The following ZYG11A variants were observed in gnomAD, a reference collection of about 807,000 sequenced individuals.
ZYG11A encodes the protein zyg-11 family member A, cell cycle regulator, also known as protein zyg-11 homolog A.
Under a neutral mutation model 77.2 loss-of-function variants are expected in ZYG11A, and 62 were observed. That is an observed-to-expected ratio of 0.80 (90% CI 0.65 to 0.99). ZYG11A has a LOEUF of 0.99. Among genes scored for constraint, ZYG11A ranks in the 50% least tolerant of loss-of-function variants. The pLI is 0.00. For missense variants in ZYG11A, 828 were observed against 896.8 expected, an observed-to-expected ratio of 0.92 and a Z score of 0.98; for synonymous variants, 315 against 324.6, an observed-to-expected ratio of 0.97 and a Z score of 0.32.
intron 11 of ZYG11A, among the ~76,000 whole-genome samples, chr1:52,885,458 C>A (rs1646433565): frequency 6.6e-6 from 1 of 151,942 alleles, no homozygotes; most frequent in African/African-American, 2.4e-5. Flanking sequence ...CCCGCCTTGG[C>A]CTCCCAAAGT....
intron 5 of ZYG11A, among the ~76,000 whole-genome samples, chr1:52,864,811 ATTT>A (rs555254016): frequency 7.2e-6 from 1 of 137,946 alleles, no homozygotes; most frequent in Admixed American, 7.3e-5. Context: ...TGCCTGGCTA[ATTT>A]TTTTTTTTTT....
chr1:52,847,004 C>T (rs956461683), intron 1 of ZYG11A, among the ~76,000 whole-genome samples: 6 of 151,838 alleles, frequency 4.0e-5, no homozygotes, highest in Non-Finnish European at 7.4e-5. Flanking sequence ...CACGCCGCCA[C>T]GCCTGGCTAA....
At chr1:52,858,668 A>G (rs954331934) in intron 3 of ZYG11A, among the ~76,000 whole-genome samples, 3 of 150,368 alleles carry the variant, frequency 2.0e-5, no homozygotes, top group Non-Finnish European at 3.0e-5. Flanking sequence ...GGTGGAGTGC[A>G]ATGGCGCAAT....
At chr1:52,846,578 T>C (rs936132602) in intron 1 of ZYG11A, among the ~76,000 whole-genome samples, 10 of 151,500 alleles carry the variant, frequency 6.6e-5, no homozygotes, top group Admixed American at 1.3e-4. Context: ...GTTGAACTCA[T>C]GATCCATCCA....
At chr1:52,848,842 G>A (rs1390622951) in intron 1 of ZYG11A, among the ~76,000 whole-genome samples, 1 of 152,038 alleles carries the variant, frequency 6.6e-6, no homozygotes, top group Non-Finnish European at 1.5e-5. Context: ...ACTGCAGCCT[G>A]GGCAACAGAG....
At chr1:52,873,768 G>A (rs950577847) in intron 8 of ZYG11A, among the ~76,000 whole-genome samples, 2 of 152,058 alleles carry the variant, frequency 1.3e-5, no homozygotes, top group African/African-American at 4.8e-5. Flanking sequence ...GGTGGATCAC[G>A]AGGTTAAGAA....
chr1:52,863,931 A>C (rs1295475190), intron 4 of ZYG11A, 50 bp from the exon 5 acceptor site: 2 of 1,489,620 alleles, frequency 1.3e-6, no homozygotes, highest in Non-Finnish European at 1.8e-6. Context: ...ACAAGACAGC[A>C]TAGAGAATGT....
At chr1:52,875,850 C>T (rs578038630) in intron 8 of ZYG11A, among the ~76,000 whole-genome samples, 1 of 142,816 alleles carries the variant, frequency 7.0e-6, no homozygotes, top group Non-Finnish European at 1.5e-5. Flanking sequence ...GTGTATTTCT[C>T]AATGAAAAAG....
intron 1 of ZYG11A, among the ~76,000 whole-genome samples, chr1:52,853,842 G>T (rs1248258296): frequency 6.6e-6 from 1 of 152,130 alleles, no homozygotes; most frequent in East Asian, 1.9e-4. Context: ...GGAAGTCAAA[G>T]TTGCATTCGG....
chr1:52,854,628 A>C lies in ZYG11A; in HGVS notation c.254A>C (p.Gln85Pro). The change falls in exon 2 of 14, where the codon CAA (glutamine) becomes CCA (proline). Residue 85 changes from glutamine to proline, a missense_variant and splice_region_variant. Transcript: ENST00000371528. ...CGATTTCTCAGGGTGATGACTTGGC[A>C]AGGTAGTGATAAGGCTTCTCTAAAG... ...AERFLRVMTW[Q>P]GKLTDRTASI... The C allele has an allele frequency of 6.5e-7, 1 of 1,532,688 alleles. No homozygotes were observed. The highest frequency in any genetic ancestry group is 8.8e-7 in the Non-Finnish European group (1 of 1,133,332). The allele number at this position is 1,532,688 out of a possible 1,614,324, so 94.9% of individuals were successfully genotyped here.
At chr1:52,889,927 A>G (rs989527681) in intron 13 of ZYG11A, among the ~76,000 whole-genome samples, 2 of 151,378 alleles carry the variant, frequency 1.3e-5, no homozygotes, top group Admixed American at 1.3e-4. Context: ...GTTAGCCAGG[A>G]TGGTCTCGAT....
chr1:52,867,180 A>T lies in ZYG11A; in HGVS notation c.1392-359A>T, dbSNP rs144151089. Among the ~76,000 whole-genome samples the T allele has an allele frequency of 2.5e-4, 38 of 152,296 alleles. No homozygotes were observed. In the East Asian group the frequency reaches 7.3e-3, roughly 29 times the overall value. On this transcript the variant is annotated intron_variant, in intron 6 of 13. Transcript: ENST00000371528. ...GGCTCAGTCACTTTGTAACTGAGTG[A>T]TGTTTGCTGCAGCATTTTAGCATTG... is the stretch of plus-strand genomic sequence containing the variant.
intron 8 of ZYG11A, among the ~76,000 whole-genome samples, chr1:52,870,074 G>T (rs552684238): frequency 0.013 from 2,018 of 150,986 alleles, 36 homozygotes; most frequent in African/African-American, 0.047. Context: ...ACGGGGTCGC[G>T]GCCGGGCAGA....
At chr1:52,853,012 T>C (rs1645742604) in intron 1 of ZYG11A, among the ~76,000 whole-genome samples, 1 of 152,216 alleles carries the variant, frequency 6.6e-6, no homozygotes, top group Non-Finnish European at 1.5e-5. Context: ...TAAAAGTTAA[T>C]TGCTGGATTA....
intron 5 of ZYG11A, among the ~76,000 whole-genome samples, chr1:52,864,610 A>T (rs1349579128): frequency 6.6e-6 from 1 of 152,132 alleles, no homozygotes. Flanking sequence ...TGTGTTTGTT[A>T]TAGAAAAAAT....
chr1:52,881,349 C>T lies in ZYG11A; in HGVS notation c.1750-122C>T, dbSNP rs552467080. On this transcript the variant is annotated intron_variant, in intron 10 of 13. Transcript: ENST00000371528. Reference sequence around the variant, plus strand: ...GTTTTAGGCTAGCTTGAGGCGGAGGCGGGTATAAGAATAAGAGTTCTGAAT... The same window carrying T: ...GTTTTAGGCTAGCTTGAGGCGGAGGTGGGTATAAGAATAAGAGTTCTGAAT... 487 of 636,790 alleles carry T rather than the reference C, an allele frequency of 7.6e-4. 1 individual carries two copies. Among genetic ancestry groups the T allele is most frequent in the Middle Eastern group, 2.7e-3 (6 of 2,246 alleles). The allele number at this position is 636,790 out of a possible 1,614,324, so 39.4% of individuals were successfully genotyped here. A position where few individuals can be genotyped will look rare whatever the true frequency, so the allele number is the denominator to read the frequency against.
Position 52,857,457 on chromosome 1 carries a change from A to T in ZYG11A, c.716A>T (p.Lys239Ile). The change falls in exon 3 of 14, where the codon AAA (lysine) becomes ATA (isoleucine). Residue 239 changes from lysine to isoleucine, a missense_variant. By Grantham distance (102) the Lys-to-Ile change is moderately radical. Transcript: ENST00000371528. ...AAGTCTCTCACAATGCACTATCTGAAATGCCTGGCCATGACCAAATCACAA... is the reference window on the plus strand; with the variant it reads ...AAGTCTCTCACAATGCACTATCTGATATGCCTGGCCATGACCAAATCACAA... ...RLKSLTMHYL[K>I]CLAMTKSQIL... The T allele has an allele frequency of 6.4e-7, 1 of 1,552,218 alleles. No individual in the cohort carries two copies. Among genetic ancestry groups the T allele is most frequent in the Non-Finnish European group, 8.7e-7 (1 of 1,147,110 alleles).
chr1:52,865,584 G>A (rs1371783678), intron 5 of ZYG11A, among the ~76,000 whole-genome samples: 4 of 152,014 alleles, frequency 2.6e-5, no homozygotes, highest in Non-Finnish European at 5.9e-5. Flanking sequence ...AACAACAGGC[G>A]AATAGAAGCA....
intron 8 of ZYG11A, among the ~76,000 whole-genome samples, chr1:52,871,007 G>A (rs757900588): frequency 5.9e-5 from 9 of 152,100 alleles, no homozygotes; most frequent in Non-Finnish European, 1.3e-4. Flanking sequence ...TTCATTTATG[G>A]CATGGTTTAT....
Sources: allele counts gnomAD v4.1 joint callset (sites outside exome capture counted in the v4.1 genomes callset), GRCh38; gene constraint gnomAD v4.1.1; transcripts MANE v1.5; gene names NCBI Gene and HGNC (gene_info 2026-07-23, HGNC 2026-07-21).